CHCHD3: variants seen among roughly 807,000 people sequenced by gnomAD.
The protein encoded by CHCHD3 is MICOS complex subunit MIC19.
A neutral mutation model predicts 38.2 loss-of-function variants in CHCHD3; 20 were observed. The ratio of observed to expected loss-of-function variants is 0.52; its 90% CI spans 0.37 to 0.76. CHCHD3 has a LOEUF of 0.76. Ranked by LOEUF, CHCHD3 falls within the 30% of genes least tolerant of loss-of-function variation. The pLI, the probability that CHCHD3 is intolerant of heterozygous loss-of-function variation, is 0.00. For missense variants in CHCHD3, 245 were observed against 279.2 expected, an observed-to-expected ratio of 0.88 and a Z score of 0.87; for synonymous variants, 82 against 100.0, an observed-to-expected ratio of 0.82 and a Z score of 1.07.
At chr7:132,880,245 G>A (rs931967254) in intron 5 of CHCHD3, among the ~76,000 whole-genome samples, 4 of 152,062 alleles carry the variant, frequency 2.6e-5, no homozygotes, top group African/African-American at 7.2e-5. Flanking sequence ...ATCATATTTT[G>A]GCTGTATGTT....
At chr7:133,029,137 C>A (rs1265972950) in intron 2 of CHCHD3, among the ~76,000 whole-genome samples, 1 of 152,032 alleles carries the variant, frequency 6.6e-6, no homozygotes, top group Non-Finnish European at 1.5e-5. Context: ...AGAGATTAAG[C>A]AGTTTGGTTT....
At chr7:132,891,514 C>G (rs1037656641) in intron 4 of CHCHD3, among the ~76,000 whole-genome samples, 1 of 152,192 alleles carries the variant, frequency 6.6e-6, no homozygotes, top group Non-Finnish European at 1.5e-5. Flanking sequence ...GGAACTCAAA[C>G]CCAAGCACCC....
intron 4 of CHCHD3, among the ~76,000 whole-genome samples, chr7:132,938,065 C>T (rs540511022): frequency 7.2e-5 from 11 of 152,110 alleles, no homozygotes; most frequent in Non-Finnish European, 1.5e-4. Flanking sequence ...CCAGCAAATG[C>T]CTTCAACAAC....
chr7:133,004,836 T>C (rs1812659807), intron 3 of CHCHD3, among the ~76,000 whole-genome samples: 1 of 152,172 alleles, frequency 6.6e-6, no homozygotes, highest in Admixed American at 6.5e-5. Context: ...CTGAAAAAAA[T>C]GTGTGTTTGG....
intron 6 of CHCHD3, among the ~76,000 whole-genome samples, chr7:132,827,661 T>A (rs1807539336): frequency 6.6e-6 from 1 of 152,224 alleles, no homozygotes; most frequent in Non-Finnish European, 1.5e-5. Context: ...TACAACAGAA[T>A]ATTCCCAAAA....
rs150080949 is a variant in CHCHD3 at position 133,010,643 on chromosome 7, A to G, written c.251+13903T>C. ...ACCCAGGCTAAAGTGCAGTGGCGTG[A>G]TCTCGGCTTACTACAACCTCTGGCT... On this transcript the variant is annotated intron_variant, in intron 3 of 7. Transcript: ENST00000262570. Among the ~76,000 whole-genome samples, 101 of 152,184 alleles carry G rather than the reference A, an allele frequency of 6.6e-4. 1 individual carries two copies. The East Asian group carries it at 0.017, about 26-fold the overall frequency.
At chr7:132,838,111 C>A (rs1346144040) in intron 6 of CHCHD3, among the ~76,000 whole-genome samples, 1 of 152,114 alleles carries the variant, frequency 6.6e-6, no homozygotes, top group East Asian at 1.9e-4. Flanking sequence ...TAATCAAGAG[C>A]ATTCTATTTT....
intron 3 of CHCHD3, among the ~76,000 whole-genome samples, chr7:133,000,206 T>C (rs1230803468): frequency 6.6e-6 from 1 of 152,202 alleles, no homozygotes; most frequent in African/African-American, 2.4e-5. Context: ...CAATTTCTTC[T>C]GTTAAACCAT....
At chr7:133,073,752 T>G (rs1216975689) in intron 1 of CHCHD3, among the ~76,000 whole-genome samples, 1 of 152,246 alleles carries the variant, frequency 6.6e-6, no homozygotes. Flanking sequence ...GGTAACTCCC[T>G]ACTTCAAATT....
intron 5 of CHCHD3, among the ~76,000 whole-genome samples, chr7:132,860,782 C>G (rs1808471078): frequency 6.6e-6 from 1 of 152,068 alleles, no homozygotes; most frequent in Non-Finnish European, 1.5e-5. Context: ...GCATGCCACA[C>G]CTGGCTAATT....
intron 5 of CHCHD3, among the ~76,000 whole-genome samples, chr7:132,871,908 T>C (rs1417578061): frequency 6.6e-6 from 1 of 152,050 alleles, no homozygotes; most frequent in African/African-American, 2.4e-5. Flanking sequence ...ATTTGTCAAT[T>C]ATACAAAACA....
At chr7:132,809,850 C>A (rs930301168) in intron 6 of CHCHD3, among the ~76,000 whole-genome samples, 1 of 152,088 alleles carries the variant, frequency 6.6e-6, no homozygotes, top group East Asian at 1.9e-4. Context: ...TCTACAGCAG[C>A]GATAAGTTTC....
intron 2 of CHCHD3, among the ~76,000 whole-genome samples, chr7:133,051,228 A>G: frequency 6.6e-6 from 1 of 152,164 alleles, no homozygotes; most frequent in Non-Finnish European, 1.5e-5. Context: ...GCACTGCAAC[A>G]TTCAAGCAGC....
intron 2 of CHCHD3, among the ~76,000 whole-genome samples, chr7:133,036,301 G>A (rs1813672210): frequency 6.6e-6 from 1 of 152,042 alleles, no homozygotes; most frequent in Non-Finnish European, 1.5e-5. Context: ...AGTTCATAGG[G>A]AATTTAACAG....
At chr7:132,831,918 T>A (rs1807658926) in intron 6 of CHCHD3, among the ~76,000 whole-genome samples, 1 of 152,182 alleles carries the variant, frequency 6.6e-6, no homozygotes, top group Admixed American at 6.5e-5. Context: ...GATACACATG[T>A]GTAATTATAC....
At chr7:133,056,416 T>C (rs780947028) in intron 2 of CHCHD3, among the ~76,000 whole-genome samples, 1 of 152,078 alleles carries the variant, frequency 6.6e-6, no homozygotes, top group Non-Finnish European at 1.5e-5. Context: ...GTCTGATTGG[T>C]AAACTCCTAT....
intron 5 of CHCHD3, among the ~76,000 whole-genome samples, chr7:132,865,549 C>G (rs888238772): frequency 6.6e-6 from 1 of 152,130 alleles, no homozygotes; most frequent in Non-Finnish European, 1.5e-5. Context: ...CCGTGGCCGA[C>G]TGCCATGGTT....
intron 4 of CHCHD3, among the ~76,000 whole-genome samples, chr7:132,893,141 A>T (rs1287022957): frequency 6.6e-6 from 1 of 152,246 alleles, no homozygotes; most frequent in Non-Finnish European, 1.5e-5. Context: ...CCATGAGAGC[A>T]GCATGGGGGC....
At chr7:132,802,123 AGGTG>A (rs1806808635) in intron 6 of CHCHD3, among the ~76,000 whole-genome samples, 1 of 152,222 alleles carries the variant, frequency 6.6e-6, no homozygotes, top group East Asian at 1.9e-4. Flanking sequence ...CCAAAGTGTA[AGGTG>A]AGCAAACAAC....
Sources: gnomAD v4.1 joint callset for allele counts (sites outside exome capture counted in the v4.1 genomes callset) on GRCh38, gnomAD v4.1.1 for gene constraint, MANE v1.5 for transcripts, NCBI Gene and HGNC (gene_info 2026-07-23, HGNC 2026-07-21) for gene names.